The following EXOC4 variants were observed in gnomAD, a reference collection of about 807,000 sequenced individuals.
EXOC4 encodes exocyst complex component 4.
In EXOC4, 71 loss-of-function variants were observed where a neutral mutation model predicts 107.2. The ratio of observed to expected loss-of-function variants is 0.66; its 90% confidence interval spans 0.55 to 0.81. EXOC4 has a LOEUF of 0.81. Among genes scored for constraint, EXOC4 ranks in the 30% least tolerant of loss-of-function variants. The pLI is 0.00. For synonymous variants in EXOC4, 456 were observed against 441.2 expected, an observed-to-expected ratio of 1.03 and a Z score of -0.42; for missense variants, 1,108 against 1,189.6, an observed-to-expected ratio of 0.93 and a Z score of 1.01.
chr7:133,407,951 T>G (rs1320845285), intron 7 of EXOC4, among the ~76,000 whole-genome samples: 1 of 152,168 alleles, frequency 6.6e-6, no homozygotes, highest in Non-Finnish European at 1.5e-5. Flanking sequence ...GTCAAATAAT[T>G]TATTTGAAGT....
chr7:133,909,170 T>C (rs1245503544), intron 12 of EXOC4, among the ~76,000 whole-genome samples: 1 of 152,146 alleles, frequency 6.6e-6, no homozygotes, highest in Non-Finnish European at 1.5e-5. Flanking sequence ...TCCTTCAATC[T>C]GTTACTCATT....
chr7:133,312,829 G>A (rs1457181536), intron 4 of EXOC4, among the ~76,000 whole-genome samples: 1 of 151,150 alleles, frequency 6.6e-6, no homozygotes, highest in Non-Finnish European at 1.5e-5. Context: ...TGATGTGAAT[G>A]GATTATTTTT....
At chr7:133,909,637 CAT>C (rs1432411259) in intron 12 of EXOC4, among the ~76,000 whole-genome samples, 4 of 152,174 alleles carry the variant, frequency 2.6e-5, no homozygotes, top group Non-Finnish European at 4.4e-5. Flanking sequence ...GAGCTTAAAA[CAT>C]AGCCAGACTG....
chr7:133,710,861 A>G (rs925572459), intron 10 of EXOC4, among the ~76,000 whole-genome samples: 3 of 151,890 alleles, frequency 2.0e-5, no homozygotes, highest in African/African-American at 7.3e-5. Context: ...TCTATAGAGT[A>G]ATCCTAAATC....
intron 15 of EXOC4, among the ~76,000 whole-genome samples, chr7:134,000,700 G>C (rs2116305747): frequency 6.6e-6 from 1 of 152,230 alleles, no homozygotes; most frequent in Non-Finnish European, 1.5e-5. Context: ...TTCCCATCCT[G>C]CTGTAAAAAA....
intron 10 of EXOC4, among the ~76,000 whole-genome samples, chr7:133,687,183 C>G (rs2151073809): frequency 6.6e-6 from 1 of 151,960 alleles, no homozygotes; most frequent in Non-Finnish European, 1.5e-5. Context: ...GAAGTTCTTA[C>G]TCAAAAATGG....
At chr7:133,953,887 G>T (rs1011834511) in intron 14 of EXOC4, among the ~76,000 whole-genome samples, 1 of 152,088 alleles carries the variant, frequency 6.6e-6, no homozygotes, top group East Asian at 1.9e-4. Flanking sequence ...CAGAAACATT[G>T]CAAGTTTTAC....
chr7:133,333,378 C>CA (rs1232645008), intron 5 of EXOC4, among the ~76,000 whole-genome samples: 4 of 152,114 alleles, frequency 2.6e-5, no homozygotes, highest in Non-Finnish European at 5.9e-5. Flanking sequence ...ATTTCAGACT[C>CA]ATCTTGTACT....
At chr7:133,967,243 A>G (rs1322581469) in intron 14 of EXOC4, among the ~76,000 whole-genome samples, 3 of 151,282 alleles carry the variant, frequency 2.0e-5, no homozygotes, top group African/African-American at 7.3e-5. Context: ...CGGTCTATCT[A>G]TTTTGTTAAT....
rs1246778025 is a variant in EXOC4, at chr7:133,866,201, TATGAGATTAAGGG to T, written c.1735-29396_1735-29384del. On this transcript the variant is annotated intron_variant, in intron 11 of 17. Coordinates refer to ENST00000253861, the MANE Select transcript of EXOC4 (RefSeq NM_021807.4). ...AATACTATACTACAAATACTTTAAA[TATGAGATTAAGGG>T]AAATCGAGCGACTTCTCAAGTCACA... 1.2e-4 allele frequency among the ~76,000 whole-genome samples: 19 copies of T among 152,310 alleles called. No homozygotes were observed. The South Asian group carries it at 3.3e-3, about 27-fold the overall frequency.
intron 14 of EXOC4, among the ~76,000 whole-genome samples, chr7:133,963,736 T>C (rs1800999197): frequency 6.6e-6 from 1 of 152,230 alleles, no homozygotes; most frequent in African/African-American, 2.4e-5. Context: ...TCATTCATTC[T>C]GTTACTTCAA....
chr7:133,734,271 T>C (rs1017887140), intron 10 of EXOC4, among the ~76,000 whole-genome samples: 2 of 152,190 alleles, frequency 1.3e-5, no homozygotes, highest in Admixed American at 1.3e-4. Flanking sequence ...TCCCAAGTAC[T>C]AGGAAGAATT....
intron 16 of EXOC4, among the ~76,000 whole-genome samples, chr7:134,005,957 G>T (rs1441324283): frequency 6.6e-6 from 1 of 152,118 alleles, no homozygotes; most frequent in South Asian, 2.1e-4. Flanking sequence ...TTCTGTTGGG[G>T]TATATCTCTC....
At chr7:133,978,165 C>T (rs1385512647) in intron 14 of EXOC4, among the ~76,000 whole-genome samples, 1 of 152,190 alleles carries the variant, frequency 6.6e-6, no homozygotes, top group South Asian at 2.1e-4. Flanking sequence ...ACATCCCTCC[C>T]GTTACATGTC....
At position 133,917,731 on chromosome 7, in the gene EXOC4, T is replaced by C; in HGVS notation, c.2020T>C (p.Phe674Leu). The C allele has an allele frequency of 6.2e-7, 1 of 1,613,912 alleles. No homozygotes were observed. The highest frequency in any genetic ancestry group is 8.5e-7 in the Non-Finnish European group (1 of 1,179,924). Residue 674 changes from phenylalanine to leucine, a missense_variant, in exon 13 of 18, where the codon TTC becomes CTC. Physicochemically the swap from Phe to Leu is conservative, Grantham distance 22 (BLOSUM62 0). Coordinates refer to ENST00000253861, the MANE Select transcript of EXOC4 (RefSeq NM_021807.4). ...GCCAAAAAGAGAGGAGGAAGAAGAT[T>C]TCATAAGGTAAAAGGTCCATTTTCT... ...LRPKREEEED[F>L]IRAAFGKESE...
intron 6 of EXOC4, among the ~76,000 whole-genome samples, chr7:133,361,304 G>A (rs967780586): frequency 1.3e-5 from 2 of 151,930 alleles, no homozygotes; most frequent in Non-Finnish European, 2.9e-5. Flanking sequence ...TTTTGGAGAC[G>A]GAGTCTTGCT....
chr7:133,671,881 C>T (rs188652386), intron 10 of EXOC4, among the ~76,000 whole-genome samples: 2 of 152,062 alleles, frequency 1.3e-5, no homozygotes, highest in African/African-American at 2.4e-5. Context: ...AGAGTAAGAT[C>T]GTGAGTTTGG....
intron 7 of EXOC4, among the ~76,000 whole-genome samples, chr7:133,406,527 GGTAT>G (rs1797224290): frequency 6.6e-6 from 1 of 152,012 alleles, no homozygotes; most frequent in Non-Finnish European, 1.5e-5. Flanking sequence ...GTAAAGGGAA[GGTAT>G]GTATTTTTTG....
intron 10 of EXOC4, among the ~76,000 whole-genome samples, chr7:133,654,739 C>T (rs1803246342): frequency 6.6e-6 from 1 of 152,058 alleles, no homozygotes. Flanking sequence ...AGAAATGCGC[C>T]ATTAGGTGAT....
Sources: gnomAD v4.1 joint callset for allele counts (sites outside exome capture counted in the v4.1 genomes callset) on GRCh38, gnomAD v4.1.1 for gene constraint, MANE v1.5 for transcripts, NCBI Gene and HGNC (gene_info 2026-07-23, HGNC 2026-07-21) for gene names.